Variants in LRP1B observed in about 807,000 individuals in gnomAD.
LRP1B encodes low-density lipoprotein receptor-related protein 1B.
Under a neutral mutation model 556.6 loss-of-function variants are expected in LRP1B, and 217 were observed. That is an observed-to-expected ratio of 0.39 (90% confidence interval 0.35 to 0.44). LRP1B has a LOEUF of 0.44. Among genes scored for constraint, LRP1B ranks in the 20% least tolerant of loss-of-function variants. The pLI is 1.00. For missense variants in LRP1B, 5,053 were observed against 5,620.8 expected (o/e 0.90, Z 3.23); for synonymous variants, 2,047 against 1,865.8 (o/e 1.10, Z -2.50).
chr2:141,557,623 A>T (rs1357613302), intron 2 of LRP1B, among the ~76,000 whole-genome samples: 1 of 151,884 alleles, frequency 6.6e-6, no homozygotes, highest in Non-Finnish European at 1.5e-5. Flanking sequence ...TGGAACACTG[A>T]TGTGGTGCAC....
At chr2:141,158,176 T>G (rs1702116428) in intron 7 of LRP1B, among the ~76,000 whole-genome samples, 2 of 152,192 alleles carry the variant, frequency 1.3e-5, no homozygotes, top group South Asian at 4.1e-4. Context: ...TTTCTCTTTT[T>G]AACCAGTTGA....
intron 29 of LRP1B, among the ~76,000 whole-genome samples, chr2:140,845,489 G>A (rs1000737629): frequency 1.8e-4 from 27 of 151,376 alleles, no homozygotes; most frequent in East Asian, 9.7e-4. Context: ...GTTCATCCTC[G>A]TAACAGAACA....
intron 13 of LRP1B, 36 bp downstream of exon 13, chr2:141,015,660 G>A (rs2105388652): frequency 1.3e-6 from 2 of 1,483,970 alleles, no homozygotes; most frequent in Non-Finnish European, 1.9e-6. Context: ...AAAAAAAGAA[G>A]CCTGTGGGTT....
Position 140,923,166 on chromosome 2 carries a change from A to G in LRP1B, c.3137-19T>C, listed in dbSNP as rs946113416. ...TGAATCTCTTAATTTGAAATGAGGA[A>G]GAGAGAAGCAGAGGGGGGCAAGACA... On this transcript the variant is annotated intron_variant, in intron 20 of 90. Transcript: ENST00000389484. 2 of 1,587,464 alleles carry G rather than the reference A, an allele frequency of 1.3e-6. No homozygotes were observed. The highest frequency in any genetic ancestry group is 8.6e-7 in the Non-Finnish European group (1 of 1,159,254).
chr2:142,065,117 A>G (rs1171589787), intron 1 of LRP1B, among the ~76,000 whole-genome samples: 1 of 151,560 alleles, frequency 6.6e-6, no homozygotes, highest in Non-Finnish European at 1.5e-5. Context: ...TTTGACTTTC[A>G]TTATATAACT....
chr2:140,667,961 G>A (rs1303283468), intron 41 of LRP1B, among the ~76,000 whole-genome samples: 1 of 152,078 alleles, frequency 6.6e-6, no homozygotes, highest in Non-Finnish European at 1.5e-5. Context: ...GGTATTTAAT[G>A]ACCTAAACAA....
At chr2:140,981,773 T>C (rs1004864474) in intron 18 of LRP1B, among the ~76,000 whole-genome samples, 1 of 152,096 alleles carries the variant, frequency 6.6e-6, no homozygotes, top group African/African-American at 2.4e-5. Flanking sequence ...TACATGCCAA[T>C]AAGAAACATG....
At chr2:140,424,121 C>T (rs1685561200) in intron 66 of LRP1B, among the ~76,000 whole-genome samples, 1 of 151,996 alleles carries the variant, frequency 6.6e-6, no homozygotes, top group Non-Finnish European at 1.5e-5. Flanking sequence ...TTACTAGGAC[C>T]TGAATTTTAA....
chr2:141,245,381 T>G (rs1684029404), intron 5 of LRP1B, among the ~76,000 whole-genome samples: 1 of 152,152 alleles, frequency 6.6e-6, no homozygotes, highest in South Asian at 2.1e-4. Context: ...AATCATAACA[T>G]GAGGTCATGT....
intron 3 of LRP1B, among the ~76,000 whole-genome samples, chr2:141,283,538 C>T (rs1339507458): frequency 6.6e-6 from 1 of 150,570 alleles, no homozygotes; most frequent in Admixed American, 6.6e-5. Flanking sequence ...AGGAAACTGA[C>T]ATAGATTAGA....
At chr2:141,920,449 A>G (rs763501870) in intron 1 of LRP1B, among the ~76,000 whole-genome samples, 13 of 152,014 alleles carry the variant, frequency 8.6e-5, no homozygotes, top group Non-Finnish European at 1.6e-4. Flanking sequence ...CAGAAAGAAG[A>G]GAAAGAAAAT....
intron 1 of LRP1B, among the ~76,000 whole-genome samples, chr2:142,054,806 C>T (rs1438400126): frequency 6.6e-6 from 1 of 151,948 alleles, no homozygotes; most frequent in African/African-American, 2.4e-5. Context: ...ATTCAAATTT[C>T]AGATATTGTG....
chr2:140,639,829 C>A (rs1201695742), intron 41 of LRP1B, among the ~76,000 whole-genome samples: 1 of 151,968 alleles, frequency 6.6e-6, no homozygotes, highest in Non-Finnish European at 1.5e-5. Context: ...CTAATCAACT[C>A]TCACTTCCTC....
chr2:141,624,997 T>G (rs2105341394), intron 2 of LRP1B, among the ~76,000 whole-genome samples: 1 of 152,188 alleles, frequency 6.6e-6, no homozygotes, highest in East Asian at 1.9e-4. Context: ...CTCGATCTCC[T>G]GACCTCGTGA....
In LRP1B at chr2:141,843,277, A is replaced by G. The variant is rs563353681; in HGVS notation, c.83-32876T>C. Among the ~76,000 whole-genome samples, 22 of 152,308 alleles carry G rather than the reference A, an allele frequency of 1.4e-4. No individual in the cohort carries two copies. The East Asian group carries it at 2.5e-3, about 17-fold the overall frequency. On this transcript the variant is annotated intron_variant, in intron 1 of 90. Coordinates refer to ENST00000389484, the MANE Select transcript of LRP1B (RefSeq NM_018557.3). ...TAGGACAATGTTCTGGAATGAAGCA[A>G]GCATTTAACACATTGGGAAGTTAGG...
At chr2:141,872,394 G>C (rs1355556262) in intron 1 of LRP1B, among the ~76,000 whole-genome samples, 1 of 151,858 alleles carries the variant, frequency 6.6e-6, no homozygotes, top group Non-Finnish European at 1.5e-5. Context: ...AAGGAGGACA[G>C]ATTTGACTTA....
chr2:140,800,896 C>T (rs1037652807), intron 32 of LRP1B, among the ~76,000 whole-genome samples: 1 of 152,080 alleles, frequency 6.6e-6, no homozygotes, highest in African/African-American at 2.4e-5. Context: ...CAATTCAAAT[C>T]CTAATATCTT....
At chr2:141,093,405 A>G (rs571669390) in intron 7 of LRP1B, among the ~76,000 whole-genome samples, 1 of 152,306 alleles carries the variant, frequency 6.6e-6, no homozygotes, top group African/African-American at 2.4e-5. Flanking sequence ...ATGGTGTAAA[A>G]TAGTATAGCG....
At chr2:140,309,769 A>C (rs1387051341) in intron 83 of LRP1B, among the ~76,000 whole-genome samples, 2 of 151,792 alleles carry the variant, frequency 1.3e-5, no homozygotes, top group Admixed American at 6.6e-5. Context: ...ATAAAGAAAG[A>C]TCTATTTCTT....
Sources: allele counts gnomAD v4.1 joint callset (sites outside exome capture counted in the v4.1 genomes callset), GRCh38; gene constraint gnomAD v4.1.1; transcripts MANE v1.5; gene names NCBI Gene and HGNC (gene_info 2026-07-23, HGNC 2026-07-21).